Variants in TLN2 observed in about 807,000 individuals in gnomAD.
TLN2 encodes the protein talin 2, also known as talin-2.
A neutral mutation model predicts 294.7 loss-of-function variants in TLN2; 118 were observed. The ratio of observed to expected loss-of-function variants is 0.40; its 90% CI spans 0.34 to 0.47. TLN2 has a LOEUF of 0.47. TLN2 is among the 20% of genes least tolerant of loss of function. TLN2 has a pLI of 0.84. For synonymous variants in TLN2, 1,431 were observed against 1,304.5 expected (o/e 1.10, Z -2.09); for missense variants, 3,083 against 3,282.2 (o/e 0.94, Z 1.48).
At chr15:62,772,427 AAAAG>A (rs1396282559) in intron 42 of TLN2, among the ~76,000 whole-genome samples, 1 of 152,098 alleles carries the variant, frequency 6.6e-6, no homozygotes, top group Non-Finnish European at 1.5e-5. Context: ...AGTGAGAAAA[AAAAG>A]AATACTCTTT....
intron 33 of TLN2, 25 bp downstream of exon 33, chr15:62,748,469 G>A (rs2061735080): frequency 6.4e-7 from 1 of 1,559,024 alleles, no homozygotes; most frequent in Non-Finnish European, 8.8e-7. Flanking sequence ...AGGCTGCTGA[G>A]GACTTGAGAG....
chr15:62,470,928 G>A (rs1039478660), intron 1 of TLN2, among the ~76,000 whole-genome samples: 4 of 152,118 alleles, frequency 2.6e-5, no homozygotes, highest in African/African-American at 9.7e-5. Context: ...TATAATTCTG[G>A]GACATTGCTA....
chr15:62,703,225 C>T (rs1428877314), intron 19 of TLN2, among the ~76,000 whole-genome samples: 1 of 151,778 alleles, frequency 6.6e-6, no homozygotes, highest in Admixed American at 6.6e-5. Context: ...GCCTTAACCT[C>T]CTGAGTAGCT....
intron 1 of TLN2, among the ~76,000 whole-genome samples, chr15:62,395,372 C>T (rs1224438022): frequency 3.3e-5 from 5 of 151,888 alleles, no homozygotes; most frequent in Non-Finnish European, 7.4e-5. Context: ...CTCTAGTGGA[C>T]AGAGAAATAC....
intron 2 of TLN2, among the ~76,000 whole-genome samples, chr15:62,590,666 T>C (rs1265240554): frequency 6.6e-6 from 1 of 152,188 alleles, no homozygotes. Flanking sequence ...AAGTAAACTT[T>C]GGTTGTAGAT....
intron 3 of TLN2, chr15:62,637,273 C>T (rs2050471683): frequency 6.6e-6 from 1 of 152,128 alleles, no homozygotes. Context: ...AATCTACTTT[C>T]AATCATTTGA....
At chr15:62,710,937 A>G (rs2141128494) in intron 21 of TLN2, among the ~76,000 whole-genome samples, 1 of 151,992 alleles carries the variant, frequency 6.6e-6, no homozygotes, top group African/African-American at 2.4e-5. Context: ...CGTGTTAGCC[A>G]GGATGGTCTC....
At chr15:62,527,796 A>G (rs1488296128) in intron 1 of TLN2, among the ~76,000 whole-genome samples, 1 of 152,226 alleles carries the variant, frequency 6.6e-6, no homozygotes, top group Non-Finnish European at 1.5e-5. Flanking sequence ...TTTTGTGATG[A>G]TAAAAGTACA....
chr15:62,581,650 G>T (rs1461509818), intron 1 of TLN2, among the ~76,000 whole-genome samples: 1 of 152,186 alleles, frequency 6.6e-6, no homozygotes, highest in Non-Finnish European at 1.5e-5. Context: ...TGCTTTGGAG[G>T]TGGGAAGGAA....
chr15:62,411,371 A>G (rs772242724), intron 1 of TLN2, among the ~76,000 whole-genome samples: 11 of 151,018 alleles, frequency 7.3e-5, no homozygotes, highest in Non-Finnish European at 1.3e-4. Context: ...CAGATAGTTC[A>G]TGCTCCTGGG....
chr15:62,553,898 C>G (rs2042459892), intron 1 of TLN2, among the ~76,000 whole-genome samples: 1 of 150,190 alleles, frequency 6.7e-6, no homozygotes, highest in Non-Finnish European at 1.5e-5. Context: ...ACTTTTTATG[C>G]TGTGCAATTA....
intron 44 of TLN2, 116 bp downstream of exon 44, chr15:62,781,357 C>A: frequency 1.4e-6 from 1 of 706,246 alleles, no homozygotes; most frequent in Non-Finnish European, 2.4e-6. Flanking sequence ...ACTCTCTAGT[C>A]CCTCAGGGGC....
intron 1 of TLN2, among the ~76,000 whole-genome samples, chr15:62,436,735 T>A (rs1336442758): frequency 6.6e-6 from 1 of 152,222 alleles, no homozygotes; most frequent in Non-Finnish European, 1.5e-5. Flanking sequence ...TTTATTTATT[T>A]TTTTTAGAGG....
At chr15:62,545,806 A>G (rs2041964686) in intron 1 of TLN2, among the ~76,000 whole-genome samples, 3 of 152,294 alleles carry the variant, frequency 2.0e-5, no homozygotes, top group African/African-American at 4.8e-5. Context: ...TGGGCACTCA[A>G]TAAATATTTG....
At chr15:62,531,184 C>G (rs1375298621) in intron 1 of TLN2, among the ~76,000 whole-genome samples, 3 of 152,160 alleles carry the variant, frequency 2.0e-5, no homozygotes, top group African/African-American at 7.2e-5. Flanking sequence ...TAAGTCCCAT[C>G]AACAGATGAA....
intron 12 of TLN2, among the ~76,000 whole-genome samples, chr15:62,692,013 G>A (rs2057961343): frequency 1.3e-5 from 2 of 152,172 alleles, no homozygotes; most frequent in South Asian, 4.1e-4. Context: ...TTCTGTTATA[G>A]CAGGTGGCCA....
intron 1 of TLN2, among the ~76,000 whole-genome samples, chr15:62,434,673 A>G (rs2035198956): frequency 6.6e-6 from 1 of 152,200 alleles, no homozygotes; most frequent in South Asian, 2.1e-4. Flanking sequence ...TCGCCAACAC[A>G]GTGTATTGTC....
rs1343670062 is a variant in TLN2, at chr15:62,686,699, C to T, written c.1016C>T (p.Ser339Leu). The T allele has an allele frequency of 1.1e-5, 17 of 1,614,002 alleles. 1 individual carries two copies. The highest frequency in any genetic ancestry group is 1.4e-5 in the Non-Finnish European group (16 of 1,179,942). ...VPRLLGITKDSVMRVDEKTKE... is the reference protein window; with the variant it reads ...VPRLLGITKDLVMRVDEKTKE... ...CGCCTGCTGGGGATCACCAAAGACT[C>T]GGTGATGCGCGTGGATGAGAAGACC... The change falls in exon 12 of 59, where the codon TCG becomes TTG. Residue 339 changes from serine (S) to leucine (L), a missense_variant. By Grantham distance (145) the Ser-to-Leu change is moderately radical. Transcript: ENST00000636159.
intron 1 of TLN2, among the ~76,000 whole-genome samples, chr15:62,523,546 T>C (rs905570416): frequency 2.0e-5 from 3 of 152,232 alleles, no homozygotes; most frequent in Admixed American, 6.5e-5. Context: ...AGGATATATA[T>C]AGAGAGAAGA....
Sources: allele counts gnomAD v4.1 joint callset (sites outside exome capture counted in the v4.1 genomes callset), GRCh38; gene constraint gnomAD v4.1.1; transcripts MANE v1.5; gene names NCBI Gene and HGNC (gene_info 2026-07-23, HGNC 2026-07-21).